The following RBM47 variants were observed in gnomAD, a reference collection of about 807,000 sequenced individuals.
RBM47 encodes the protein RNA-binding protein 47.
RBM47 carries 21 observed loss-of-function variants against 47.1 expected under a neutral mutation model. That is an observed-to-expected ratio of 0.45 (90% CI 0.32 to 0.64). The LOEUF (loss-of-function observed/expected upper bound fraction) is 0.64. Ranked by LOEUF, RBM47 falls within the 30% of genes least tolerant of loss-of-function variation. The probability of loss-of-function intolerance (pLI) is 0.05; values close to 1 mark genes in which losing one functional copy is unlikely to be tolerated. For missense variants in RBM47, 708 were observed against 870.9 expected, an observed-to-expected ratio of 0.81 and a Z score of 2.35; for synonymous variants, 375 against 361.7, an observed-to-expected ratio of 1.04 and a Z score of -0.42.
intron 1 of RBM47, among the ~76,000 whole-genome samples, chr4:40,580,639 T>C (rs1230172483): frequency 1.3e-5 from 2 of 152,224 alleles, no homozygotes; most frequent in Non-Finnish European, 2.9e-5. Context: ...CCGTTCTCTT[T>C]CCTTGCATTG....
At chr4:40,436,924 A>ACCCC (rs1712532203) in intron 4 of RBM47, 1 of 506,106 alleles carries the variant, frequency 2.0e-6, no homozygotes, top group Non-Finnish European at 3.8e-6. Context: ...TAGACTACCC[A>ACCCC]CCACCCCCTC....
intron 1 of RBM47, among the ~76,000 whole-genome samples, chr4:40,613,600 A>G (rs747919944): frequency 6.6e-6 from 1 of 152,228 alleles, no homozygotes; most frequent in Non-Finnish European, 1.5e-5. Flanking sequence ...ATCAGAAGAC[A>G]GATGAGTTTA....
intron 1 of RBM47, among the ~76,000 whole-genome samples, 152 bp downstream of exon 1, chr4:40,629,244 A>G (rs1037894597): frequency 6.6e-6 from 1 of 152,154 alleles, no homozygotes; most frequent in African/African-American, 2.4e-5. Flanking sequence ...TTTATTTCCC[A>G]CTAAATATAC....
intron 6 of RBM47, among the ~76,000 whole-genome samples, chr4:40,430,440 C>T (rs1402249787): frequency 2.0e-5 from 3 of 152,164 alleles, no homozygotes; most frequent in African/African-American, 4.8e-5. Flanking sequence ...ACTGCTGCTA[C>T]GCTATAGTAA....
At chr4:40,490,266 C>G (rs946864487) in intron 2 of RBM47, among the ~76,000 whole-genome samples, 1 of 150,964 alleles carries the variant, frequency 6.6e-6, no homozygotes, top group African/African-American at 2.4e-5. Context: ...GTACTTGTTT[C>G]TAGCCAGGAT....
At chr4:40,543,260 A>G (rs566836697) in intron 2 of RBM47, 2 of 152,310 alleles carry the variant, frequency 1.3e-5, no homozygotes, top group East Asian at 1.9e-4. Context: ...GGATAAATGA[A>G]CGAGTCACTC....
intron 3 of RBM47, among the ~76,000 whole-genome samples, chr4:40,454,473 TTTA>T (rs1451749933): frequency 6.6e-6 from 1 of 152,098 alleles, no homozygotes; most frequent in African/African-American, 2.4e-5. Context: ...TTTTAATTTT[TTTA>T]TTATTTATTT....
rs559397890 is a variant in RBM47 at position 40,528,138 on chromosome 4, T to C, written c.-155+16284A>G. On this transcript the variant is annotated intron_variant, in intron 2 of 6. Transcript: ENST00000295971. ...GCCCATAGAAATGTTTTGGGCCAGG[T>C]GTGGTGGCTCATGCCTGTAATCCCA... Among the ~76,000 whole-genome samples the C allele has an allele frequency of 4.4e-3, 675 of 152,230 alleles. 5 individuals carry two copies. The highest frequency in any genetic ancestry group is 0.016 in the African/African-American group (649 of 41,546).
intron 2 of RBM47, among the ~76,000 whole-genome samples, chr4:40,510,732 T>A (rs1163910035): frequency 6.6e-6 from 1 of 152,134 alleles, no homozygotes; most frequent in Non-Finnish European, 1.5e-5. Flanking sequence ...CGTGATTTAT[T>A]ATGCACTGAG....
intron 2 of RBM47, among the ~76,000 whole-genome samples, chr4:40,525,811 A>G (rs1425131195): frequency 6.6e-6 from 1 of 152,074 alleles, no homozygotes; most frequent in Admixed American, 6.6e-5. Flanking sequence ...AGTGAGCATC[A>G]GAAAGAAAAG....
At chr4:40,549,872 G>T (rs867981750) in intron 1 of RBM47, among the ~76,000 whole-genome samples, 3 of 151,972 alleles carry the variant, frequency 2.0e-5, no homozygotes, top group Non-Finnish European at 4.4e-5. Flanking sequence ...GTAGAGACAG[G>T]GTTTCACCAT....
chr4:40,431,778 TGG>T (rs1340241920), intron 6 of RBM47, among the ~76,000 whole-genome samples: 1 of 151,412 alleles, frequency 6.6e-6, no homozygotes, highest in African/African-American at 2.4e-5. Flanking sequence ...GAGGCCAACA[TGG>T]TAAGATGAGT....
chr4:40,470,093 A>G (rs1718630144), intron 2 of RBM47, among the ~76,000 whole-genome samples: 1 of 152,184 alleles, frequency 6.6e-6, no homozygotes, highest in South Asian at 2.1e-4. Context: ...TGATTTTACT[A>G]TGGAGGAAAC....
chr4:40,532,270 A>C (rs569806200), intron 2 of RBM47, among the ~76,000 whole-genome samples: 36 of 146,620 alleles, frequency 2.5e-4, no homozygotes, highest in African/African-American at 9.0e-4. Flanking sequence ...TCAGCCTCCC[A>C]AAATGCTGGG....
intron 2 of RBM47, among the ~76,000 whole-genome samples, chr4:40,503,796 T>C (rs921933802): frequency 6.6e-6 from 1 of 151,734 alleles, no homozygotes; most frequent in Non-Finnish European, 1.5e-5. Context: ...TATACATACA[T>C]ACACACACAC....
chr4:40,538,847 T>G (rs1446557141), intron 2 of RBM47, among the ~76,000 whole-genome samples: 1 of 150,528 alleles, frequency 6.6e-6, no homozygotes, highest in Non-Finnish European at 1.5e-5. Context: ...TGTTGGCCAG[T>G]CAGTTTCGAA....
chr4:40,456,250 C>T (rs192783728), intron 3 of RBM47, among the ~76,000 whole-genome samples: 150 of 152,210 alleles, frequency 9.9e-4, no homozygotes, highest in Admixed American at 3.3e-3. Context: ...TAAAATATTA[C>T]AATTACTGAA....
intron 2 of RBM47, among the ~76,000 whole-genome samples, chr4:40,481,117 C>T (rs1276350610): frequency 1.3e-5 from 2 of 152,008 alleles, no homozygotes; most frequent in Non-Finnish European, 2.9e-5. Context: ...TAATAATTTC[C>T]TCAAAATTGC....
intron 3 of RBM47, among the ~76,000 whole-genome samples, chr4:40,464,232 A>G (rs1385127896): frequency 6.6e-6 from 1 of 152,238 alleles, no homozygotes; most frequent in African/African-American, 2.4e-5. Context: ...AACTTTGCTA[A>G]ATAATATTTA....
Sources: allele counts gnomAD v4.1 joint callset (sites outside exome capture counted in the v4.1 genomes callset), GRCh38; gene constraint gnomAD v4.1.1; transcripts MANE v1.5; gene names NCBI Gene and HGNC (gene_info 2026-07-23, HGNC 2026-07-21).